Variants in ELOVL5 observed in about 807,000 individuals in gnomAD.
ELOVL5 encodes ELOVL fatty acid elongase 5.
A neutral mutation model predicts 38.6 loss-of-function variants in ELOVL5; 8 were observed. That is an observed-to-expected ratio of 0.21 (90% CI 0.12 to 0.37). The LOEUF (loss-of-function observed/expected upper bound fraction) is 0.37, where lower values mean the gene tolerates loss of function less well. Among genes scored for constraint, ELOVL5 ranks in the 10% least tolerant of loss-of-function variants. The pLI is 1.00. For synonymous variants in ELOVL5, 127 were observed against 133.7 expected, an observed-to-expected ratio of 0.95 and a Z score of 0.34; for missense variants, 280 against 367.8, an observed-to-expected ratio of 0.76 and a Z score of 1.95.
chr6:53,327,193 T>TC (rs2127590106), intron 1 of ELOVL5, among the ~76,000 whole-genome samples: 1 of 152,232 alleles, frequency 6.6e-6, no homozygotes, highest in African/African-American at 2.4e-5. Context: ...CAGATCTTTG[T>TC]CCCCACCCTC....
At chr6:53,289,651 C>T (rs1037732384) in intron 3 of ELOVL5, among the ~76,000 whole-genome samples, 2 of 152,058 alleles carry the variant, frequency 1.3e-5, no homozygotes, top group East Asian at 1.9e-4. Flanking sequence ...ACCTGGGAAG[C>T]GGAGGTTGCA....
intron 3 of ELOVL5, among the ~76,000 whole-genome samples, chr6:53,284,909 C>T (rs929442721): frequency 2.6e-5 from 4 of 152,174 alleles, no homozygotes; most frequent in African/African-American, 9.7e-5. Flanking sequence ...AGACAGCAAA[C>T]TCAACAAATA....
intron 1 of ELOVL5, among the ~76,000 whole-genome samples, chr6:53,332,850 G>A (rs1366270836): frequency 6.6e-6 from 1 of 152,078 alleles, no homozygotes; most frequent in Non-Finnish European, 1.5e-5. Context: ...ACAAAAACAC[G>A]AAAGCCACCC....
intron 1 of ELOVL5, among the ~76,000 whole-genome samples, chr6:53,308,868 G>A (rs1294460508): frequency 2.3e-5 from 3 of 129,570 alleles, no homozygotes; most frequent in African/African-American, 8.7e-5. Context: ...CACCAGCTGG[G>A]GGGAGGGGAT....
intron 1 of ELOVL5, among the ~76,000 whole-genome samples, chr6:53,332,061 G>A (rs957505007): frequency 5.3e-4 from 81 of 152,182 alleles, no homozygotes; most frequent in African/African-American, 1.8e-3. Context: ...TCTTTACCAT[G>A]AGATGGCACC....
chr6:53,312,027 C>T (rs1452720565), intron 1 of ELOVL5, among the ~76,000 whole-genome samples: 1 of 152,148 alleles, frequency 6.6e-6, no homozygotes, highest in Admixed American at 6.5e-5. Context: ...TTATGATTGT[C>T]ATCAGTGATA....
At chr6:53,323,072 C>T (rs1022402011) in intron 1 of ELOVL5, among the ~76,000 whole-genome samples, 1 of 152,194 alleles carries the variant, frequency 6.6e-6, no homozygotes, top group East Asian at 1.9e-4. Flanking sequence ...CGAGCCTGCA[C>T]TTGTTGGAAA....
chr6:53,278,136 A>G (rs1403248600), intron 3 of ELOVL5, among the ~76,000 whole-genome samples: 2 of 152,246 alleles, frequency 1.3e-5, no homozygotes, highest in Non-Finnish European at 2.9e-5. Flanking sequence ...TTACCATTTT[A>G]TGAATCTTAA....
intron 7 of ELOVL5, 127 bp downstream of exon 7, chr6:53,270,466 T>C (rs1445636479): frequency 6.1e-6 from 6 of 991,024 alleles, no homozygotes; most frequent in African/African-American, 3.3e-5. Flanking sequence ...GCTCTTGTCA[T>C]AGTGACTCCA....
intron 3 of ELOVL5, chr6:53,287,964 C>A (rs1233026920): frequency 1.3e-6 from 2 of 1,532,312 alleles, no homozygotes; most frequent in African/African-American, 2.7e-5. Flanking sequence ...ACAATTAGAT[C>A]CTCTCTGCTT....
chr6:53,269,441 T>C (rs919340910), intron 7 of ELOVL5, among the ~76,000 whole-genome samples, 171 bp from the exon 8 acceptor site: 1 of 152,080 alleles, frequency 6.6e-6, no homozygotes, highest in Admixed American at 6.5e-5. Flanking sequence ...CTGGTTTCAA[T>C]CATTCTTCCT....
intron 3 of ELOVL5, among the ~76,000 whole-genome samples, chr6:53,288,902 C>A (rs562119388): frequency 7.9e-5 from 12 of 152,060 alleles, no homozygotes; most frequent in African/African-American, 2.9e-4. Context: ...CTTGTCTTTA[C>A]GAAAAATACA....
At position 53,295,636 on chromosome 6, in the gene ELOVL5, C is replaced by G. The variant is rs367771049; in HGVS notation, c.58+6G>C. 33 of 1,599,476 alleles carry G rather than the reference C, an allele frequency of 2.1e-5. No individual in the cohort carries two copies. Among genetic ancestry groups the G allele is most frequent in the Non-Finnish European group, 2.6e-5 (30 of 1,175,240 alleles). On this transcript the variant is annotated splice_donor_region_variant and intron_variant, in intron 2 of 7. Coordinates refer to ENST00000304434, the MANE Select transcript of ELOVL5 (RefSeq NM_021814.5). ...AGAAGGTAAGCAAAACCAAAAACCA[C>G]CTTACCTCGAGGGCCTAGCAATGCC...
At chr6:53,326,931 C>G (rs918109335) in intron 1 of ELOVL5, among the ~76,000 whole-genome samples, 13 of 152,252 alleles carry the variant, frequency 8.5e-5, no homozygotes, top group Non-Finnish European at 1.6e-4. Context: ...GAACTTTTCA[C>G]CTTGCTTGCA....
intron 1 of ELOVL5, among the ~76,000 whole-genome samples, chr6:53,297,933 G>T (rs1448737786): frequency 6.6e-6 from 1 of 152,188 alleles, no homozygotes; most frequent in Non-Finnish European, 1.5e-5. Context: ...GTTTCGTAAA[G>T]AGAATTCCTC....
chr6:53,319,539 T>C (rs1424657824), intron 1 of ELOVL5, among the ~76,000 whole-genome samples: 1 of 152,202 alleles, frequency 6.6e-6, no homozygotes, highest in African/African-American at 2.4e-5. Context: ...AGCTCTAAAA[T>C]GCTCTCCTCC....
chr6:53,287,716 TG>T, intron 3 of ELOVL5: 1 of 668,288 alleles, frequency 1.5e-6, no homozygotes. Context: ...TGAAAGAGCC[TG>T]GTGTTGCTGG....
chr6:53,337,813 G>A (rs1342779195), intron 1 of ELOVL5, among the ~76,000 whole-genome samples: 1 of 152,208 alleles, frequency 6.6e-6, no homozygotes, highest in Non-Finnish European at 1.5e-5. Context: ...TGCTATGGAA[G>A]GCTGGGGCAA....
At chr6:53,344,949 C>T (rs1769476016) in intron 1 of ELOVL5, among the ~76,000 whole-genome samples, 1 of 152,194 alleles carries the variant, frequency 6.6e-6, no homozygotes, top group African/African-American at 2.4e-5. Context: ...TTAATCCAAT[C>T]ATCCATTCGG....
Sources: gnomAD v4.1 joint callset for allele counts (sites outside exome capture counted in the v4.1 genomes callset) on GRCh38, gnomAD v4.1.1 for gene constraint, MANE v1.5 for transcripts, NCBI Gene and HGNC (gene_info 2026-07-23, HGNC 2026-07-21) for gene names.